TMEM232: variants seen among roughly 807,000 people sequenced by gnomAD.
The protein encoded by TMEM232 is transmembrane protein 232.
Under a neutral mutation model 78.8 loss-of-function variants are expected in TMEM232, and 80 were observed. The ratio of observed to expected loss-of-function variants is 1.01; its 90% CI spans 0.85 to 1.22. TMEM232 has a LOEUF of 1.22. Ranked by LOEUF, TMEM232 falls within the 50% of genes most tolerant of loss-of-function variation. TMEM232 has a pLI of 0.00. For synonymous variants in TMEM232, 297 were observed against 254.3 expected (o/e 1.17, Z -1.60); for missense variants, 881 against 742.2 (o/e 1.19, Z -2.17).
At chr5:110,508,647 T>C (rs1035786381) in intron 12 of TMEM232, among the ~76,000 whole-genome samples, 7 of 150,388 alleles carry the variant, frequency 4.7e-5, no homozygotes, top group African/African-American at 1.7e-4. Context: ...TCTGATTTCA[T>C]TGTAGCCCTT....
chr5:110,726,536 C>A (rs1337919872), intron 1 of TMEM232, 91 bp downstream of exon 1: 1 of 152,200 alleles, frequency 6.6e-6, no homozygotes, highest in African/African-American at 2.4e-5. Context: ...CTGTGAGGAT[C>A]TTTGTGGGTC....
chr5:110,493,179 A>T (rs937205408), intron 12 of TMEM232, among the ~76,000 whole-genome samples: 1 of 151,986 alleles, frequency 6.6e-6, no homozygotes, highest in African/African-American at 2.4e-5. Flanking sequence ...TTTTTAAAAA[A>T]TTTATTTTGA....
rs774880608 is a variant in TMEM232 at position 110,526,593 on chromosome 5, A to C, written c.1703+1995T>G. ...AGACTAAAGAAAAACAGGCACTCAT[A>C]TATTACTGGTGAGGATATAAACTTG... On this transcript the variant is annotated intron_variant, in intron 12 of 13. Transcript: ENST00000455884. Among the ~76,000 whole-genome samples the C allele has an allele frequency of 2.0e-5, 3 of 152,120 alleles. No homozygotes were observed. In the South Asian group the frequency reaches 6.2e-4, roughly 31 times the overall value.
intron 12 of TMEM232, among the ~76,000 whole-genome samples, chr5:110,446,918 T>C (rs952652646): frequency 2.6e-5 from 4 of 151,768 alleles, no homozygotes; most frequent in Non-Finnish European, 4.4e-5. Flanking sequence ...ATATGTTCTA[T>C]GTGGTGATCT....
At position 110,620,258 on chromosome 5, in the gene TMEM232, G is replaced by T. The variant is rs533670182; in HGVS notation, c.769-1696C>A. ...ATTACAAGCTGGTCTGACACAGCCA[G>T]GTTATTTTGATCTCCTATTGGACAT... On this transcript the variant is annotated intron_variant, in intron 7 of 13. Transcript: ENST00000455884. 3.9e-5 allele frequency among the ~76,000 whole-genome samples: 6 copies of T among 152,216 alleles called. No individual in the cohort carries two copies. In the East Asian group the frequency reaches 9.7e-4, roughly 24 times the overall value.
chr5:110,544,193 C>G (rs1198245986), intron 11 of TMEM232, among the ~76,000 whole-genome samples: 1 of 151,992 alleles, frequency 6.6e-6, no homozygotes, highest in Non-Finnish European at 1.5e-5. Context: ...AACATGACTT[C>G]TTTATTAAGA....
chr5:110,440,400 C>A (rs1758899791), intron 12 of TMEM232, among the ~76,000 whole-genome samples: 1 of 152,010 alleles, frequency 6.6e-6, no homozygotes, highest in East Asian at 1.9e-4. Context: ...TTGATTTATC[C>A]CCTTCATCTG....
chr5:110,733,292 T>G (rs769647091), intron 2 of TMEM232, among the ~76,000 whole-genome samples: 1 of 152,222 alleles, frequency 6.6e-6, no homozygotes, highest in Non-Finnish European at 1.5e-5. Flanking sequence ...CGTTGGTTCC[T>G]CAAAGAGCCA....
chr5:110,514,741 G>A (rs895778832), intron 12 of TMEM232, among the ~76,000 whole-genome samples: 6 of 150,962 alleles, frequency 4.0e-5, no homozygotes, highest in Admixed American at 2.0e-4. Context: ...CTAGGGGCAC[G>A]GTCAAGCCCA....
intron 7 of TMEM232, among the ~76,000 whole-genome samples, chr5:110,620,958 G>A (rs555531818): frequency 6.8e-6 from 1 of 148,102 alleles, no homozygotes; most frequent in African/African-American, 2.5e-5. Flanking sequence ...CGCCTCCTGG[G>A]TTCAGGCAAT....
intron 1 of TMEM232, among the ~76,000 whole-genome samples, chr5:110,689,925 C>CT (rs796115714): frequency 4.0e-4 from 61 of 152,274 alleles, no homozygotes; most frequent in African/African-American, 1.4e-3. Flanking sequence ...GGAAAACTGG[C>CT]TAGCCATATG....
At chr5:110,594,681 A>G (rs1779938485) in intron 10 of TMEM232, among the ~76,000 whole-genome samples, 1 of 152,164 alleles carries the variant, frequency 6.6e-6, no homozygotes, top group African/African-American at 2.4e-5. Context: ...AGTCTTAAGG[A>G]AGCCAAACTC....
chr5:110,631,744 G>A (rs1198682913), intron 5 of TMEM232, among the ~76,000 whole-genome samples: 1 of 152,032 alleles, frequency 6.6e-6, no homozygotes, highest in African/African-American at 2.4e-5. Context: ...GCATGACTGG[G>A]GCTGTAGGTG....
intron 12 of TMEM232, among the ~76,000 whole-genome samples, chr5:110,483,086 G>A (rs1173997225): frequency 6.6e-6 from 1 of 152,024 alleles, no homozygotes. Context: ...TAAAAGCCCT[G>A]CATAAAGCAG....
At chr5:110,584,497 G>A (rs1474747435) in intron 10 of TMEM232, among the ~76,000 whole-genome samples, 5 of 152,048 alleles carry the variant, frequency 3.3e-5, no homozygotes, top group Admixed American at 1.3e-4. Flanking sequence ...GAGGTTGGTG[G>A]AGGCAATAAG....
chr5:110,449,349 A>T (rs1172237484), intron 12 of TMEM232, among the ~76,000 whole-genome samples: 1 of 152,092 alleles, frequency 6.6e-6, no homozygotes, highest in East Asian at 1.9e-4. Flanking sequence ...ACATATTCAT[A>T]CCCATAACGA....
At chr5:110,440,728 T>C (rs1758935403) in intron 12 of TMEM232, among the ~76,000 whole-genome samples, 1 of 152,176 alleles carries the variant, frequency 6.6e-6, no homozygotes, top group Non-Finnish European at 1.5e-5. Context: ...TGGATGTTAC[T>C]TTTCCTCAGT....
intron 12 of TMEM232, among the ~76,000 whole-genome samples, chr5:110,518,409 G>A (rs73785478): frequency 0.071 from 10,860 of 152,028 alleles, 725 homozygotes; most frequent in African/African-American, 0.18. Flanking sequence ...TACACAGAAT[G>A]CATCTGGAGA....
intron 12 of TMEM232, among the ~76,000 whole-genome samples, chr5:110,469,090 C>T (rs976647182): frequency 6.6e-6 from 1 of 152,160 alleles, no homozygotes; most frequent in Non-Finnish European, 1.5e-5. Flanking sequence ...CTGGGGTCTT[C>T]AGCAATCCTC....
Sources: allele counts gnomAD v4.1 joint callset (sites outside exome capture counted in the v4.1 genomes callset), GRCh38; gene constraint gnomAD v4.1.1; transcripts MANE v1.5; gene names NCBI Gene and HGNC (gene_info 2026-07-23, HGNC 2026-07-21).